TSNARE1: variants seen among roughly 807,000 people sequenced by gnomAD.
TSNARE1 encodes t-SNARE domain-containing protein 1.
A neutral mutation model predicts 62.0 loss-of-function variants in TSNARE1; 49 were observed. That is an observed-to-expected ratio of 0.79 (90% CI 0.63 to 1.00). The LOEUF is 1.00. TSNARE1 is among the 50% of genes least tolerant of loss of function. The pLI is 0.00. For synonymous variants in TSNARE1, 328 were observed against 294.4 expected, an observed-to-expected ratio of 1.11 and a Z score of -1.17; for missense variants, 755 against 700.1, an observed-to-expected ratio of 1.08 and a Z score of -0.88.
intron 13 of TSNARE1, among the ~76,000 whole-genome samples, chr8:142,225,102 G>C (rs1043052477): frequency 1.3e-5 from 2 of 151,972 alleles, no homozygotes; most frequent in Non-Finnish European, 2.9e-5. Flanking sequence ...GGCCCACTGT[G>C]CCCCTCCAAC....
chr8:142,278,027 A>G (rs532492480), intron 11 of TSNARE1: 6 of 985,312 alleles, frequency 6.1e-6, no homozygotes, highest in Admixed American at 1.2e-4. Flanking sequence ...TGTGGCCTCA[A>G]TGGGGGTGGA....
intron 1 of TSNARE1, among the ~76,000 whole-genome samples, chr8:142,360,251 G>A (rs1458948669): frequency 1.3e-5 from 2 of 152,142 alleles, no homozygotes; most frequent in African/African-American, 2.4e-5. Flanking sequence ...CAGAGGCATG[G>A]CCAGGAGGGG....
intron 13 of TSNARE1, among the ~76,000 whole-genome samples, chr8:142,214,067 C>T (rs1815708555): frequency 6.6e-6 from 1 of 152,212 alleles, no homozygotes; most frequent in Non-Finnish European, 1.5e-5. Flanking sequence ...AGGGGGTCCT[C>T]AGGGCTGGCA....
At chr8:142,244,341 T>C (rs1817791362) in intron 12 of TSNARE1, among the ~76,000 whole-genome samples, 1 of 152,058 alleles carries the variant, frequency 6.6e-6, no homozygotes, top group South Asian at 2.1e-4. Context: ...CCACATCCAA[T>C]TAGAAAATGT....
Position 142,278,831 on chromosome 8 carries a change from G to C in TSNARE1, c.1364-3968C>G, listed in dbSNP as rs1030890211. ...CCAGAGGGAGGGGCCTGCAGAAGGA[G>C]GGGGAGGCCACTGCAGGCCAGAGTG... On this transcript the variant is annotated intron_variant, in intron 11 of 13. Transcript: ENST00000524325. The C allele has an allele frequency of 9.2e-6, 9 of 981,132 alleles. No individual in the cohort carries two copies. The African/African-American group carries it at 1.4e-4, about 15-fold the overall frequency. The allele number at this position is 981,132 out of a possible 1,614,324, so 60.8% of individuals were successfully genotyped here.
chr8:142,222,354 A>ATT lies in TSNARE1; in HGVS notation c.*11+7118_*11+7119insAA, dbSNP rs1205400900. ...CACTCGCTCACTCATCCACTCACTC[A>ATT]CTCACTCATCCACTAATTCACTCAC... On this transcript the variant is annotated intron_variant, in intron 13 of 13. Transcript: ENST00000524325. Among the ~76,000 whole-genome samples the ATT allele has an allele frequency of 4.1e-5, 5 of 122,328 alleles. 1 individual carries two copies. The highest frequency in any genetic ancestry group is 1.5e-4 in the African/African-American group (5 of 32,784). The allele number at this position is 122,328 out of a possible 152,430, so 80.3% of individuals were successfully genotyped here.
At chr8:142,233,030 T>G (rs1417788464) in intron 12 of TSNARE1, among the ~76,000 whole-genome samples, 1 of 152,216 alleles carries the variant, frequency 6.6e-6, no homozygotes, top group African/African-American at 2.4e-5. Flanking sequence ...ACAGCCACCC[T>G]GCAGATGAGA....
At chr8:142,234,626 C>G (rs959594502) in intron 12 of TSNARE1, among the ~76,000 whole-genome samples, 1 of 152,220 alleles carries the variant, frequency 6.6e-6, no homozygotes, top group African/African-American at 2.4e-5. Context: ...GCTGTGTGAC[C>G]AGGGCAGTCC....
intron 12 of TSNARE1, chr8:142,270,093 C>T (rs772951503): frequency 1.5e-4 from 152 of 985,326 alleles, no homozygotes; most frequent in Non-Finnish European, 1.7e-4. Flanking sequence ...CAGGCAGAGG[C>T]CCCAGACTAG....
At chr8:142,294,154 T>C (rs529104135) in intron 10 of TSNARE1, among the ~76,000 whole-genome samples, 1 of 151,466 alleles carries the variant, frequency 6.6e-6, no homozygotes, top group African/African-American at 2.4e-5. Context: ...GGATGCAGAG[T>C]GGCCAGAGGG....
chr8:142,273,207 C>T (rs1352040044), intron 12 of TSNARE1: 10 of 985,166 alleles, frequency 1.0e-5, no homozygotes, highest in Non-Finnish European at 1.1e-5. Context: ...TCCTCCTCTT[C>T]CTCACTGTCC....
intron 13 of TSNARE1, among the ~76,000 whole-genome samples, chr8:142,213,780 G>A (rs1165475857): frequency 6.6e-6 from 1 of 152,226 alleles, no homozygotes; most frequent in Non-Finnish European, 1.5e-5. Context: ...CTTGGGTGCT[G>A]AGCCAGGTGC....
At chr8:142,396,655 C>A (rs1452245982) in intron 1 of TSNARE1, among the ~76,000 whole-genome samples, 1 of 152,200 alleles carries the variant, frequency 6.6e-6, no homozygotes, top group Non-Finnish European at 1.5e-5. Flanking sequence ...GGCAGCAGAA[C>A]GGTGAGCAAT....
At chr8:142,367,443 T>A (rs1342203834) in intron 1 of TSNARE1, among the ~76,000 whole-genome samples, 1 of 148,808 alleles carries the variant, frequency 6.7e-6, no homozygotes, top group African/African-American at 2.5e-5. Flanking sequence ...AGACCACACA[T>A]GTTTGATTCC....
At chr8:142,221,952 T>C (rs1453804725) in intron 13 of TSNARE1, among the ~76,000 whole-genome samples, 3 of 112,058 alleles carry the variant, frequency 2.7e-5, no homozygotes, top group South Asian at 3.1e-4. Context: ...CACTCACTCA[T>C]CCACTCACTC....
Position 142,274,550 on chromosome 8 carries a change from G to C in TSNARE1, c.1446+231C>G, listed in dbSNP as rs1820114820. 6 of 985,330 alleles carry C rather than the reference G, an allele frequency of 6.1e-6. No homozygotes were observed. In the South Asian group the frequency reaches 1.9e-4, roughly 31 times the overall value. The allele number at this position is 985,330 out of a possible 1,614,324, so 61.0% of individuals were successfully genotyped here. On this transcript the variant is annotated intron_variant, in intron 12 of 13. Transcript: ENST00000524325. ...AGAGGGCGGCGTGGTGCATACAAGAGAGGAGACGGTGCCGACCGCTGTGGG... is the reference window on the plus strand; with the variant it reads ...AGAGGGCGGCGTGGTGCATACAAGACAGGAGACGGTGCCGACCGCTGTGGG...
intron 1 of TSNARE1, among the ~76,000 whole-genome samples, chr8:142,355,622 G>T (rs937925801): frequency 2.6e-5 from 4 of 152,166 alleles, no homozygotes; most frequent in African/African-American, 9.7e-5. Context: ...TGTGTGCAGG[G>T]GTCCCTGTGC....
intron 10 of TSNARE1, among the ~76,000 whole-genome samples, chr8:142,298,510 C>T (rs1359570768): frequency 6.6e-6 from 1 of 152,178 alleles, no homozygotes; most frequent in Non-Finnish European, 1.5e-5. Context: ...GCCGGAACCC[C>T]GAGACCCGTG....
At chr8:142,222,141 T>C (rs1412285430) in intron 13 of TSNARE1, among the ~76,000 whole-genome samples, 20 of 112,150 alleles carry the variant, frequency 1.8e-4, no homozygotes, top group South Asian at 3.3e-4. Flanking sequence ...CATCCACTCA[T>C]TCACTCACTC....
Sources: gnomAD v4.1 joint callset for allele counts (sites outside exome capture counted in the v4.1 genomes callset) on GRCh38, gnomAD v4.1.1 for gene constraint, MANE v1.5 for transcripts, NCBI Gene and HGNC (gene_info 2026-07-23, HGNC 2026-07-21) for gene names.